Variants in RALYL observed in about 807,000 individuals in gnomAD.
RALYL encodes RNA-binding Raly-like protein.
RALYL carries 29 observed loss-of-function variants against 35.1 expected under a neutral mutation model. The ratio of observed to expected loss-of-function variants is 0.83; its 90% CI spans 0.61 to 1.13. The LOEUF is 1.13. RALYL is among the 50% of genes most tolerant of loss of function. The probability of loss-of-function intolerance (pLI) is 0.00; values close to 1 mark genes in which losing one functional copy is unlikely to be tolerated. For synonymous variants in RALYL, 120 were observed against 127.6 expected (o/e 0.94, Z 0.40); for missense variants, 359 against 360.4 (o/e 1.00, Z 0.03).
At chr8:84,305,691 T>C (rs1841649619) in intron 1 of RALYL, among the ~76,000 whole-genome samples, 1 of 152,180 alleles carries the variant, frequency 6.6e-6, no homozygotes. Context: ...TCCCCTATCT[T>C]CCCCTACTAA....
At chr8:84,212,465 T>C (rs940193848) in intron 1 of RALYL, among the ~76,000 whole-genome samples, 4 of 152,296 alleles carry the variant, frequency 2.6e-5, no homozygotes, top group African/African-American at 9.6e-5. Context: ...CATAGAGACA[T>C]GTAATAAGTA....
rs550708124 is a variant in RALYL at position 84,547,742 on chromosome 8, G to A, written c.256+18165G>A. On this transcript the variant is annotated intron_variant, in intron 2 of 8. Transcript: ENST00000521268. ...GTCATTAATTTATTGTATTATTGAAGTTTTCTTTGTGGGATAATATGCCAC... is the reference window on the plus strand; with the variant it reads ...GTCATTAATTTATTGTATTATTGAAATTTTCTTTGTGGGATAATATGCCAC... 2.6e-5 allele frequency among the ~76,000 whole-genome samples: 4 copies of A among 152,232 alleles called. No individual in the cohort carries two copies. In the East Asian group the frequency reaches 7.7e-4, roughly 29 times the overall value.
At chr8:84,258,718 T>G (rs73688467) in intron 1 of RALYL, among the ~76,000 whole-genome samples, 1,868 of 152,268 alleles carry the variant, frequency 0.012, 42 homozygotes, top group African/African-American at 0.043. Flanking sequence ...AAGAATTTTT[T>G]TACCAGGGTG....
intron 4 of RALYL, among the ~76,000 whole-genome samples, chr8:84,831,496 A>G (rs1175580078): frequency 6.6e-6 from 1 of 152,166 alleles, no homozygotes; most frequent in African/African-American, 2.4e-5. Context: ...GTCTATCCTG[A>G]ACACCAGCAT....
intron 1 of RALYL, among the ~76,000 whole-genome samples, chr8:84,516,974 T>A (rs909505106): frequency 6.6e-6 from 1 of 152,194 alleles, no homozygotes; most frequent in African/African-American, 2.4e-5. Flanking sequence ...ACAGCCTGCA[T>A]AGAATTGGCC....
intron 2 of RALYL, among the ~76,000 whole-genome samples, chr8:84,731,855 G>C (rs1846237216): frequency 6.6e-6 from 1 of 152,100 alleles, no homozygotes. Flanking sequence ...GCCAACCTCT[G>C]TATCTTCCCT....
intron 1 of RALYL, among the ~76,000 whole-genome samples, chr8:84,331,676 T>A (rs556089713): frequency 2.8e-4 from 43 of 152,220 alleles, no homozygotes; most frequent in African/African-American, 9.9e-4. Context: ...TCCCAAGATA[T>A]TTTTCATAGA....
chr8:84,213,529 TTCTTA>T (rs1820041454), intron 1 of RALYL, among the ~76,000 whole-genome samples: 2 of 152,242 alleles, frequency 1.3e-5, no homozygotes, highest in South Asian at 4.1e-4. Context: ...ATTTTTAAAA[TTCTTA>T]TCTTTTAAAA....
intron 2 of RALYL, among the ~76,000 whole-genome samples, chr8:84,631,245 G>A (rs113050635): frequency 2.6e-5 from 4 of 151,940 alleles, no homozygotes; most frequent in Non-Finnish European, 4.4e-5. Context: ...AAGAAATATG[G>A]ACTGTATGAA....
intron 2 of RALYL, among the ~76,000 whole-genome samples, chr8:84,737,586 A>G (rs1422397630): frequency 6.6e-6 from 1 of 152,048 alleles, no homozygotes; most frequent in Non-Finnish European, 1.5e-5. Flanking sequence ...AATCTAGTTT[A>G]TCAAAATCAA....
chr8:84,872,828 A>G (rs1299284132), intron 6 of RALYL: 1 of 152,552 alleles, frequency 6.6e-6, no homozygotes, highest in African/African-American at 2.4e-5. Flanking sequence ...TAAATTGTAT[A>G]TCCTGGTTTC....
At position 84,876,462 on chromosome 8, in the gene RALYL, C is replaced by A. The variant is rs145879458; in HGVS notation, c.685+3065C>A. Among the ~76,000 whole-genome samples, 386 of 152,288 alleles carry A rather than the reference C, an allele frequency of 2.5e-3. 1 individual carries two copies. The highest frequency in any genetic ancestry group is 4.7e-3 in the Non-Finnish European group (319 of 68,026). ...AATTTTGCCTCATTGTTAGATGATT[C>A]TTTTAAAAGAGCCGCATATAAGTTG... On this transcript the variant is annotated intron_variant, in intron 7 of 8. Transcript: ENST00000521268.
intron 1 of RALYL, among the ~76,000 whole-genome samples, chr8:84,451,097 T>G (rs1277626013): frequency 5.3e-5 from 8 of 151,964 alleles, no homozygotes; most frequent in Admixed American, 3.3e-4. Flanking sequence ...TTCGGGTAAA[T>G]AAGATTAACT....
At chr8:84,743,863 CA>C (rs375267431) in intron 2 of RALYL, among the ~76,000 whole-genome samples, 12 of 152,110 alleles carry the variant, frequency 7.9e-5, no homozygotes, top group African/African-American at 2.6e-4. Flanking sequence ...TTTATGATTT[CA>C]CTTATATAAG....
intron 7 of RALYL, among the ~76,000 whole-genome samples, chr8:84,884,043 A>T (rs1440793953): frequency 6.6e-6 from 1 of 152,050 alleles, no homozygotes; most frequent in Non-Finnish European, 1.5e-5. Context: ...CTCAAACCCT[A>T]TATCCTTCCT....
intron 1 of RALYL, among the ~76,000 whole-genome samples, chr8:84,526,915 A>G (rs1478887028): frequency 1.3e-5 from 2 of 152,192 alleles, no homozygotes; most frequent in African/African-American, 2.4e-5. Context: ...TGCTTCATCT[A>G]TATTTCCCTG....
chr8:84,280,841 T>G (rs1836400882), intron 1 of RALYL, among the ~76,000 whole-genome samples: 1 of 151,946 alleles, frequency 6.6e-6, no homozygotes, highest in African/African-American at 2.4e-5. Context: ...TTAGTCCGTG[T>G]GAAAATACAT....
At chr8:84,721,864 C>G (rs1843980445) in intron 2 of RALYL, among the ~76,000 whole-genome samples, 1 of 152,128 alleles carries the variant, frequency 6.6e-6, no homozygotes, top group African/African-American at 2.4e-5. Flanking sequence ...TGCACACTTT[C>G]TTACTCTGTT....
chr8:84,859,425 T>C (rs1434657120), intron 5 of RALYL, among the ~76,000 whole-genome samples: 1 of 152,096 alleles, frequency 6.6e-6, no homozygotes, highest in Non-Finnish European at 1.5e-5. Context: ...CAGACCCTAT[T>C]CTCCTGCCTC....
Sources: allele counts gnomAD v4.1 joint callset (sites outside exome capture counted in the v4.1 genomes callset), GRCh38; gene constraint gnomAD v4.1.1; transcripts MANE v1.5; gene names NCBI Gene and HGNC (gene_info 2026-07-23, HGNC 2026-07-21).